The following NDUFA5 variants were observed in gnomAD, a reference collection of about 807,000 sequenced individuals.
The protein encoded by NDUFA5 is NADH dehydrogenase [ubiquinone] 1 alpha subcomplex subunit 5.
Under a neutral mutation model 19.8 loss-of-function variants are expected in NDUFA5, and 11 were observed. The ratio of observed to expected loss-of-function variants is 0.56; its 90% CI spans 0.35 to 0.92. The LOEUF (loss-of-function observed/expected upper bound fraction) is 0.92, where lower values mean the gene tolerates loss of function less well. Ranked by LOEUF, NDUFA5 falls within the 40% of genes least tolerant of loss-of-function variation. The pLI is 0.01. For missense variants in NDUFA5, 109 were observed against 134.2 expected (o/e 0.81, Z 0.93); for synonymous variants, 47 against 46.8 (o/e 1.00, Z -0.01).
At chr7:123,566,757 G>A in the NDUFA5 span, among the ~76,000 whole-genome samples, 1 of 152,138 alleles carries the variant, frequency 6.6e-6, no homozygotes, top group Non-Finnish European at 1.5e-5. Flanking sequence ...GCTCCTCTGT[G>A]AAGGGACCTA....
intron 4 of NDUFA5, among the ~76,000 whole-genome samples, chr7:123,543,686 G>T (rs1273921488): frequency 1.3e-5 from 2 of 152,066 alleles, no homozygotes; most frequent in Non-Finnish European, 2.9e-5. Flanking sequence ...TACTTAATAT[G>T]CCTTAAAACT....
chr7:123,540,890 G>GCGCACACACA lies in NDUFA5; in HGVS notation c.*1228_*1229insTGTGTGTGCG, dbSNP rs766305834. On this transcript the variant is annotated 3_prime_UTR_variant, in exon 5 of 5. Transcript: ENST00000355749. ...TCTGAGCAAATGTGCGCATGCGCGT[G>GCGCACACACA]CACACACACACACACACACACACAC... 7 of 133,830 alleles carry GCGCACACACA rather than the reference G, an allele frequency of 5.2e-5. No individual in the cohort carries two copies. Among genetic ancestry groups the GCGCACACACA allele is most frequent in the African/African-American group, 1.5e-4 (5 of 33,802 alleles). The allele number at this position is 133,830 out of a possible 1,614,324, so 8.3% of individuals were successfully genotyped here.
At chr7:123,561,915 T>C (rs2116232602), upstream of NDUFA5, among the ~76,000 whole-genome samples, 1 of 152,032 alleles carries the variant, frequency 6.6e-6, no homozygotes, top group Middle Eastern at 3.4e-3. Flanking sequence ...CAAATCTTTT[T>C]AATAGCATCT....
At chr7:123,585,280 G>C in the NDUFA5 span, among the ~76,000 whole-genome samples, 2 of 151,510 alleles carry the variant, frequency 1.3e-5, no homozygotes, top group Non-Finnish European at 3.0e-5. Context: ...AAAATAAACT[G>C]TTTAACTGTT....
chr7:123,568,711 CTA>C, the NDUFA5 span, among the ~76,000 whole-genome samples: 9 of 151,974 alleles, frequency 5.9e-5, no homozygotes, highest in Non-Finnish European at 8.8e-5. Context: ...GAGATAAAAA[CTA>C]TTTTGTGGGA....
In NDUFA5 at chr7:123,537,816, C is replaced by T. The variant is rs183578137; in HGVS notation, c.*4303G>A. On this transcript the variant is annotated 3_prime_UTR_variant, in exon 5 of 5. Transcript: ENST00000355749. ...TCCAGTTATAGAGAGATTAAAATGC[C>T]AATATTTTGTAAAAAAAAAAAAATA... The T allele has an allele frequency of 1.4e-5, 2 of 140,048 alleles. No homozygotes were observed. Among genetic ancestry groups the T allele is most frequent in the African/African-American group, 2.6e-5 (1 of 38,604 alleles). 8.7% of individuals were successfully genotyped at this position (140,048 alleles called of 1,614,324 possible).
chr7:123,576,483 C>A, the NDUFA5 span, among the ~76,000 whole-genome samples: 1 of 151,882 alleles, frequency 6.6e-6, no homozygotes, highest in Non-Finnish European at 1.5e-5. Context: ...TATATTTGTG[C>A]CATAGGAATT....
chr7:123,557,993 T>C (rs1798628875), upstream of NDUFA5: 9 of 816,420 alleles, frequency 1.1e-5, no homozygotes, highest in African/African-American at 1.7e-5. Context: ...CATACAAGCC[T>C]AAAGCTAAGC....
upstream of NDUFA5, among the ~76,000 whole-genome samples, chr7:123,559,902 A>G (rs1798668318): frequency 6.6e-6 from 1 of 151,506 alleles, no homozygotes; most frequent in Admixed American, 6.6e-5. Flanking sequence ...ATAAAACTTC[A>G]GGCCAATATC....
the NDUFA5 span, among the ~76,000 whole-genome samples, chr7:123,598,038 G>A: frequency 6.6e-6 from 1 of 150,784 alleles, no homozygotes; most frequent in Non-Finnish European, 1.5e-5. Context: ...ACAATGGTAA[G>A]CTTTTGGGAC....
intron 2 of NDUFA5, chr7:123,556,725 A>C (rs1798562147): frequency 2.5e-6 from 1 of 396,238 alleles, no homozygotes; most frequent in South Asian, 2.0e-5. Context: ...AAAAAGTGTC[A>C]AATGTGTCAA....
At chr7:123,576,290 G>A in the NDUFA5 span, among the ~76,000 whole-genome samples, 3 of 151,270 alleles carry the variant, frequency 2.0e-5, no homozygotes, top group African/African-American at 4.9e-5. Flanking sequence ...TCTTTATTGA[G>A]TTTTTGCATT....
the NDUFA5 span, among the ~76,000 whole-genome samples, chr7:123,600,419 C>G: frequency 2.2e-4 from 34 of 152,150 alleles, no homozygotes; most frequent in Admixed American, 1.3e-4. Context: ...ATGTGTCAAG[C>G]CACACTTTAA....
At chr7:123,546,686 T>C (rs1317733395) in intron 3 of NDUFA5, 5 of 1,288,568 alleles carry the variant, frequency 3.9e-6, no homozygotes, top group Non-Finnish European at 4.0e-6. Context: ...AGACGTGATA[T>C]GTTACTGCCT....
the NDUFA5 span, chr7:123,599,045 C>T: frequency 6.6e-6 from 1 of 152,144 alleles, no homozygotes; most frequent in East Asian, 1.9e-4. Context: ...TTCTTTTCTA[C>T]TGTTTTATGC....
At chr7:123,591,530 G>A in the NDUFA5 span, among the ~76,000 whole-genome samples, 1 of 152,122 alleles carries the variant, frequency 6.6e-6, no homozygotes, top group East Asian at 1.9e-4. Flanking sequence ...GTTTGTCGAA[G>A]GCCTTTTCTG....
At chr7:123,555,803 G>C (rs1422969477) in intron 2 of NDUFA5, 4 of 152,228 alleles carry the variant, frequency 2.6e-5, no homozygotes, top group African/African-American at 9.6e-5. Context: ...TAGTGAACCA[G>C]AGGGTCACAG....
At chr7:123,568,519 C>G in the NDUFA5 span, among the ~76,000 whole-genome samples, 4 of 146,010 alleles carry the variant, frequency 2.7e-5, no homozygotes, top group Non-Finnish European at 4.5e-5. Flanking sequence ...GAAAGTCCAT[C>G]TCAAGAAAAA....
At chr7:123,552,922 C>T (rs562326855) in intron 2 of NDUFA5, among the ~76,000 whole-genome samples, 8 of 152,324 alleles carry the variant, frequency 5.3e-5, no homozygotes, top group African/African-American at 1.9e-4. Flanking sequence ...TACTTGCATT[C>T]AGCTCCTCTT....
Sources: gnomAD v4.1 joint callset for allele counts (sites outside exome capture counted in the v4.1 genomes callset) on GRCh38, gnomAD v4.1.1 for gene constraint, MANE v1.5 for transcripts, NCBI Gene and HGNC (gene_info 2026-07-23, HGNC 2026-07-21) for gene names.